FANCC: variants seen among roughly 807,000 people sequenced by gnomAD.
FANCC encodes the protein Fanconi anemia group C protein.
In FANCC, 55 loss-of-function variants were observed where a neutral mutation model predicts 71.3. That is an observed-to-expected ratio of 0.77 (90% CI 0.62 to 0.97). FANCC has a LOEUF of 0.97. Among genes scored for constraint, FANCC ranks in the 50% least tolerant of loss-of-function variants. The pLI is 0.00. For missense variants in FANCC, 678 were observed against 670.9 expected (o/e 1.01, Z -0.12); for synonymous variants, 275 against 244.9 (o/e 1.12, Z -1.15).
At chr9:95,250,493 A>G (rs1426384911) in intron 1 of FANCC, among the ~76,000 whole-genome samples, 2 of 152,238 alleles carry the variant, frequency 1.3e-5, no homozygotes, top group African/African-American at 4.8e-5. Context: ...TACCTAAAAA[A>G]TGTGCAGTCT....
intron 1 of FANCC, among the ~76,000 whole-genome samples, chr9:95,304,749 C>CAAAAAAA (rs35105777): frequency 2.2e-5 from 1 of 44,486 alleles, no homozygotes; most frequent in African/African-American, 7.4e-5. Context: ...GACTCTATCT[C>CAAAAAAA]AAAAAAAAAA....
chr9:95,223,697 C>G (rs1156827663), intron 4 of FANCC, among the ~76,000 whole-genome samples: 2 of 152,180 alleles, frequency 1.3e-5, no homozygotes, highest in Non-Finnish European at 2.9e-5. Flanking sequence ...TTACTATTAG[C>G]AGGGTACAGT....
At chr9:95,219,112 T>C (rs988233723) in intron 4 of FANCC, among the ~76,000 whole-genome samples, 3 of 152,156 alleles carry the variant, frequency 2.0e-5, no homozygotes, top group Non-Finnish European at 4.4e-5. Context: ...CGGATGGGAA[T>C]GCTGGGACAC....
At position 95,101,796 on chromosome 9, in the gene FANCC, A is replaced by G. The variant is rs988780618; in HGVS notation, c.1588T>C (p.Leu530=). 4.3e-6 allele frequency: 7 copies of G among 1,614,020 alleles called. No individual in the cohort carries two copies. In the African/African-American group the frequency reaches 8.0e-5, roughly 18 times the overall value. ...ATGCCAAGACGATTCCATCTGTACA[A>G]GGTCTGGTCAAGAAAGCCAATGATC... The part of the protein sequence containing the change: ...HEIIGFLDQT[L]YRWNRLGIES... The change falls in exon 15 of 15, where the codon TTG becomes CTG. Residue 530 remains leucine, a synonymous_variant. Coordinates refer to ENST00000289081, the MANE Select transcript of FANCC (RefSeq NM_000136.3).
chr9:95,151,826 G>A (rs1436788532), intron 6 of FANCC, among the ~76,000 whole-genome samples: 1 of 151,944 alleles, frequency 6.6e-6, no homozygotes, highest in Non-Finnish European at 1.5e-5. Context: ...ACTCGGGGGG[G>A]CGGAGGTGGG....
chr9:95,206,310 G>T (rs541392696), intron 4 of FANCC, among the ~76,000 whole-genome samples: 1 of 152,046 alleles, frequency 6.6e-6, no homozygotes. Flanking sequence ...AAATGTCTGC[G>T]GACCATGACC....
Position 95,101,616 on chromosome 9 carries a change from C to G in FANCC, c.*91G>C, listed in dbSNP as rs1319870526. 1.3e-6 allele frequency: 2 copies of G among 1,536,120 alleles called. No individual in the cohort carries two copies. Among genetic ancestry groups the G allele is most frequent in the East Asian group, 2.3e-5 (1 of 43,884 alleles). ...TCACAGCCCAGCGAGGGCACTTACT[C>G]CACAAATGCGTGGCCACAGGTCATC... On this transcript the variant is annotated 3_prime_UTR_variant, in exon 15 of 15. Coordinates refer to ENST00000289081, the MANE Select transcript of FANCC (RefSeq NM_000136.3).
chr9:95,217,481 C>CA lies in FANCC; in HGVS notation c.345+23167dup, dbSNP rs112431208. ...CCTGGGTGACGGTGAGACTCCATCT[C>CA]AAAAAAAAAACAAACAAAAAACACA... On this transcript the variant is annotated intron_variant, in intron 4 of 14. Transcript: ENST00000289081. Among the ~76,000 whole-genome samples the CA allele has an allele frequency of 1.1e-3, 146 of 135,594 alleles. 2 individuals are homozygous for CA. The highest frequency in any genetic ancestry group is 3.5e-3 in the South Asian group (15 of 4,236). The allele number at this position is 135,594 out of a possible 152,430, so 89.0% of individuals were successfully genotyped here. A position where few individuals can be genotyped will look rare whatever the true frequency, so the allele number is the denominator to read the frequency against.
intron 14 of FANCC, among the ~76,000 whole-genome samples, chr9:95,103,780 A>G (rs989515327): frequency 6.6e-6 from 1 of 152,206 alleles, no homozygotes; most frequent in Non-Finnish European, 1.5e-5. Context: ...CGCAGAGCTC[A>G]CTGCAGAGGC....
At position 95,105,690 on chromosome 9, in the gene FANCC, T is replaced by G. The variant is rs2071389569; in HGVS notation, c.1533+1376A>C. Among the ~76,000 whole-genome samples, 3 of 152,326 alleles carry G rather than the reference T, an allele frequency of 2.0e-5. 1 individual carries two copies. The South Asian group carries it at 6.2e-4, about 32-fold the overall frequency. ...GGGAAACTCTAGCACTTCCTCTCCCTGGACTTGACTCTTCCAGGTGCCTCA... is the reference window on the plus strand; with the variant it reads ...GGGAAACTCTAGCACTTCCTCTCCCGGGACTTGACTCTTCCAGGTGCCTCA... On this transcript the variant is annotated intron_variant, in intron 14 of 14. Transcript: ENST00000289081.
chr9:95,301,271 T>A (rs1329361248), intron 1 of FANCC, among the ~76,000 whole-genome samples: 5 of 151,986 alleles, frequency 3.3e-5, no homozygotes, highest in African/African-American at 1.2e-4. Context: ...CTCAGAAAGA[T>A]GTTCATCATA....
intron 8 of FANCC, among the ~76,000 whole-genome samples, chr9:95,129,729 T>C (rs1826592011): frequency 6.6e-6 from 1 of 152,224 alleles, no homozygotes; most frequent in Admixed American, 6.5e-5. Context: ...AGGGGAGCTA[T>C]GTCAGCAGGA....
chr9:95,292,308 C>A, intron 1 of FANCC: 3 of 503,344 alleles, frequency 6.0e-6, no homozygotes, highest in Non-Finnish European at 7.8e-6. Flanking sequence ...AACACAACTG[C>A]GAGCTGGGCC....
chr9:95,167,129 A>C (rs897337157), intron 6 of FANCC, among the ~76,000 whole-genome samples: 2 of 152,070 alleles, frequency 1.3e-5, no homozygotes, highest in African/African-American at 4.8e-5. Flanking sequence ...GGCTCTTTGA[A>C]TGTATCATCC....
intron 4 of FANCC, among the ~76,000 whole-genome samples, chr9:95,228,229 G>T (rs926010608): frequency 6.6e-6 from 1 of 152,302 alleles, no homozygotes; most frequent in African/African-American, 2.4e-5. Context: ...AGGGGCATGC[G>T]GAGCATGACA....
At chr9:95,292,868 G>C (rs1424086182) in intron 1 of FANCC, 5 of 1,585,810 alleles carry the variant, frequency 3.2e-6, no homozygotes, top group Non-Finnish European at 4.3e-6. Flanking sequence ...GTACAGAATG[G>C]GACCTGAAAA....
At chr9:95,225,161 C>G (rs1391237864) in intron 4 of FANCC, among the ~76,000 whole-genome samples, 3 of 152,200 alleles carry the variant, frequency 2.0e-5, no homozygotes, top group African/African-American at 7.2e-5. Flanking sequence ...AACATGTGGT[C>G]TGGGAAATCA....
chr9:95,111,270 C>A, intron 13 of FANCC, 193 bp downstream of exon 13: 1 of 1,551,108 alleles, frequency 6.4e-7, no homozygotes, highest in African/African-American at 1.4e-5. Flanking sequence ...CTGGCCACCT[C>A]GGTGGGGACA....
intron 4 of FANCC, among the ~76,000 whole-genome samples, chr9:95,207,745 AAAATGTTAC>A: frequency 6.6e-6 from 1 of 152,304 alleles, no homozygotes; most frequent in Non-Finnish European, 1.5e-5. Context: ...TACCTGTGGC[AAAATGTTAC>A]AAAGATAAGA....
Sources: allele counts gnomAD v4.1 joint callset (sites outside exome capture counted in the v4.1 genomes callset), GRCh38; gene constraint gnomAD v4.1.1; transcripts MANE v1.5; gene names NCBI Gene and HGNC (gene_info 2026-07-23, HGNC 2026-07-21).